OLAH: variants seen among roughly 807,000 people sequenced by gnomAD.
OLAH encodes the protein oleoyl-ACP hydrolase, also known as S-acyl fatty acid synthase thioesterase, medium chain.
In OLAH, 33 loss-of-function variants were observed where a neutral mutation model predicts 27.8. The ratio of observed to expected loss-of-function variants is 1.19; its 90% CI spans 0.90 to 1.59. The LOEUF (loss-of-function observed/expected upper bound fraction) is 1.59. Ranked by LOEUF, OLAH falls within the 40% of genes most tolerant of loss-of-function variation. The pLI, the probability that OLAH is intolerant of heterozygous loss-of-function variation, is 0.00. For missense variants in OLAH, 359 were observed against 310.8 expected (o/e 1.16, Z -1.17); for synonymous variants, 120 against 102.9 (o/e 1.17, Z -1.01).
chr10:15,042,759 A>T (rs182844285), upstream of OLAH, among the ~76,000 whole-genome samples: 419 of 151,946 alleles, frequency 2.8e-3, 2 homozygotes, highest in African/African-American at 9.6e-3. Flanking sequence ...CCACATTAGC[A>T]CAAAGGCAGA....
At chr10:15,034,799 T>TC (rs796662847) in intron 1 of OLAH, among the ~76,000 whole-genome samples, 7 of 100,534 alleles carry the variant, frequency 7.0e-5, no homozygotes, top group African/African-American at 2.5e-4. Context: ...TTCTTTTCTT[T>TC]CTTTCTTTTT....
chr10:15,058,357 T>C (rs1164663328), intron 3 of OLAH, among the ~76,000 whole-genome samples: 2 of 152,128 alleles, frequency 1.3e-5, no homozygotes, highest in African/African-American at 2.4e-5. Context: ...CCTCCCAAAG[T>C]GCTGGAATTA....
intron 6 of OLAH, among the ~76,000 whole-genome samples, chr10:15,070,674 G>A (rs1844566313): frequency 6.6e-6 from 1 of 151,780 alleles, no homozygotes; most frequent in South Asian, 2.1e-4. Flanking sequence ...TAGAGACGGG[G>A]TTTCCCGTGT....
intron 2 of OLAH, among the ~76,000 whole-genome samples, chr10:15,049,429 A>T (rs1844088742): frequency 6.6e-6 from 1 of 152,162 alleles, no homozygotes; most frequent in Non-Finnish European, 1.5e-5. Flanking sequence ...TACCATGCCT[A>T]GTCCTAAAAA....
intron 2 of OLAH, among the ~76,000 whole-genome samples, chr10:15,048,434 T>C (rs890454872): frequency 4.6e-5 from 7 of 152,212 alleles, no homozygotes; most frequent in Non-Finnish European, 8.8e-5. Context: ...GCCAGGCTGG[T>C]CTCGAACTCC....
intron 6 of OLAH, among the ~76,000 whole-genome samples, chr10:15,066,914 A>T (rs1844480227): frequency 6.6e-6 from 1 of 152,198 alleles, no homozygotes; most frequent in South Asian, 2.1e-4. Flanking sequence ...TATTGGGATT[A>T]TAGGCGTGAG....
intron 3 of OLAH, among the ~76,000 whole-genome samples, chr10:15,056,283 A>G (rs1844242277): frequency 6.6e-6 from 1 of 152,128 alleles, no homozygotes; most frequent in Admixed American, 6.6e-5. Context: ...CATCTTATAC[A>G]TGTCTTCTTA....
At chr10:15,035,974 C>T (rs1224136388) in intron 1 of OLAH, among the ~76,000 whole-genome samples, 1 of 152,096 alleles carries the variant, frequency 6.6e-6, no homozygotes, top group South Asian at 2.1e-4. Context: ...GTGTGGTTTA[C>T]CCATGGCCTC....
At chr10:15,065,975 T>C (rs1248993005) in intron 6 of OLAH, among the ~76,000 whole-genome samples, 3 of 152,206 alleles carry the variant, frequency 2.0e-5, no homozygotes, top group Non-Finnish European at 2.9e-5. Flanking sequence ...GCACAGTGAC[T>C]CATGCCTATA....
intron 3 of OLAH, among the ~76,000 whole-genome samples, chr10:15,059,167 T>G: frequency 1.4e-5 from 1 of 73,922 alleles, no homozygotes; most frequent in African/African-American, 5.5e-5. Flanking sequence ...CCCCTTCCCT[T>G]TCCTCCCCTC....
In OLAH at chr10:15,073,166, C is replaced by T. The variant is rs35727074; in HGVS notation, c.735C>T (p.Asn245=). 1,092 of 1,610,896 alleles carry T rather than the reference C, an allele frequency of 6.8e-4. 6 individuals carry two copies. In the African/African-American group the frequency reaches 0.012, roughly 17 times the overall value. ...GGHFYLLDPA[N]EKLIKNYIIK... ...ACTTTTATCTTCTGGATCCTGCGAA[C>T]GAGAAATTAATCAAGAACTACATAA... Residue 245 remains asparagine (N), a synonymous_variant, in exon 8 of 8, where the codon AAC becomes AAT. Transcript: ENST00000378228.
At chr10:15,067,625 A>G (rs1402244304) in intron 6 of OLAH, among the ~76,000 whole-genome samples, 1 of 152,184 alleles carries the variant, frequency 6.6e-6, no homozygotes, top group Non-Finnish European at 1.5e-5. Flanking sequence ...CCCTTTCTCC[A>G]GTGAGCCAAA....
intron 6 of OLAH, among the ~76,000 whole-genome samples, chr10:15,068,621 C>T (rs775889867): frequency 3.3e-5 from 5 of 152,164 alleles, no homozygotes; most frequent in Non-Finnish European, 7.3e-5. Context: ...TCTCGAACTC[C>T]TGACCTCAGG....
At chr10:15,034,846 G>A (rs1456044482) in intron 1 of OLAH, among the ~76,000 whole-genome samples, 1 of 144,434 alleles carries the variant, frequency 6.9e-6, no homozygotes, top group East Asian at 2.0e-4. Flanking sequence ...TTGTTGCCCA[G>A]GCTGGCATGC....
chr10:15,034,771 G>C (rs1589232801), intron 1 of OLAH, among the ~76,000 whole-genome samples: 1 of 151,424 alleles, frequency 6.6e-6, no homozygotes, highest in East Asian at 2.0e-4. Flanking sequence ...AGACTGTACT[G>C]CAGACAGTTT....
At chr10:15,068,148 T>C (rs1159593220) in intron 6 of OLAH, 1 of 152,244 alleles carries the variant, frequency 6.6e-6, no homozygotes, top group East Asian at 1.9e-4. Context: ...AACTTCTTCA[T>C]TTCTGTTATT....
intron 6 of OLAH, among the ~76,000 whole-genome samples, chr10:15,071,086 C>T (rs1844577758): frequency 1.3e-5 from 2 of 152,012 alleles, no homozygotes; most frequent in South Asian, 2.1e-4. Flanking sequence ...CCTGACCTAG[C>T]CATTAATTTG....
chr10:15,052,604 T>C (rs527618884), intron 3 of OLAH, among the ~76,000 whole-genome samples: 22 of 152,098 alleles, frequency 1.4e-4, no homozygotes, highest in African/African-American at 4.6e-4. Flanking sequence ...TATACTTCTT[T>C]GAGTTTCTTT....
chr10:15,045,740 A>G (rs1844004535), intron 1 of OLAH, among the ~76,000 whole-genome samples: 1 of 152,232 alleles, frequency 6.6e-6, no homozygotes, highest in Non-Finnish European at 1.5e-5. Flanking sequence ...TGGCCTTAAA[A>G]TGAATACTTG....
Sources: allele counts gnomAD v4.1 joint callset (sites outside exome capture counted in the v4.1 genomes callset), GRCh38; gene constraint gnomAD v4.1.1; transcripts MANE v1.5; gene names NCBI Gene and HGNC (gene_info 2026-07-23, HGNC 2026-07-21).